TMEM181: variants seen among roughly 807,000 people sequenced by gnomAD.
The protein encoded by TMEM181 is transmembrane protein 181.
TMEM181 carries 39 observed loss-of-function variants against 71.9 expected under a neutral mutation model. The observed-to-expected ratio is 0.54, with a 90% CI of 0.42 to 0.71. TMEM181 has a LOEUF of 0.71. Among genes scored for constraint, TMEM181 ranks in the 30% least tolerant of loss-of-function variants. The pLI is 0.00. For synonymous variants in TMEM181, 245 were observed against 228.8 expected, an observed-to-expected ratio of 1.07 and a Z score of -0.64; for missense variants, 595 against 583.0, an observed-to-expected ratio of 1.02 and a Z score of -0.21.
At chr6:158,560,347 TG>T in intron 1 of TMEM181, 115 bp downstream of exon 1, 1 of 980,536 alleles carries the variant, frequency 1.0e-6, no homozygotes, top group Non-Finnish European at 1.2e-6. Context: ...CACGTGGAAC[TG>T]GGGGCAGGGA....
chr6:158,560,183 C>A lies in TMEM181; in HGVS notation c.-42C>A, dbSNP rs879602061. The A allele has an allele frequency of 9.1e-6, 9 of 984,760 alleles. No homozygotes were observed. The highest frequency in any genetic ancestry group is 1.7e-5 in the African/African-American group (1 of 57,158). 61.0% of individuals were successfully genotyped at this position (984,760 alleles called of 1,614,324 possible). On this transcript the variant is annotated 5_prime_UTR_variant, in exon 1 of 17. Transcript: ENST00000684151. ...AGGCTGCTGCGCGGCGCCTGGCGGGCTCGGGACGCGCGGGCCGGGGCCGAG... is the reference window on the plus strand; with the variant it reads ...AGGCTGCTGCGCGGCGCCTGGCGGGATCGGGACGCGCGGGCCGGGGCCGAG...
intron 2 of TMEM181, 110 bp downstream of exon 2, chr6:158,573,633 C>T: frequency 5.6e-6 from 5 of 894,364 alleles, no homozygotes; most frequent in South Asian, 1.6e-5. Context: ...AGGGCCCCAG[C>T]GTGGAGGGAG....
chr6:158,602,566 C>T (rs12665233), intron 6 of TMEM181, among the ~76,000 whole-genome samples: 7 of 151,578 alleles, frequency 4.6e-5, no homozygotes, highest in Non-Finnish European at 7.4e-5. Context: ...CTGTTCTAAT[C>T]GGTGTATAAT....
At chr6:158,629,502 TGA>T (rs1562317344) in intron 14 of TMEM181, among the ~76,000 whole-genome samples, 2 of 152,270 alleles carry the variant, frequency 1.3e-5, no homozygotes, top group Admixed American at 1.3e-4. Flanking sequence ...TCCACTGATG[TGA>T]GAGGCCATAG....
intron 10 of TMEM181, among the ~76,000 whole-genome samples, chr6:158,612,306 A>G (rs866149082): frequency 6.6e-6 from 1 of 152,224 alleles, no homozygotes; most frequent in Non-Finnish European, 1.5e-5. Context: ...CTGTCATTCC[A>G]GACCCTATAG....
At chr6:158,548,479 G>C (rs6912879) in intron 1 of TMEM181, among the ~76,000 whole-genome samples, 3,549 of 152,248 alleles carry the variant, frequency 0.023, 146 homozygotes, top group African/African-American at 0.08. Flanking sequence ...TTCAGGACAG[G>C]GACTTTCAGT....
intron 2 of TMEM181, among the ~76,000 whole-genome samples, chr6:158,579,881 A>G (rs1000321795): frequency 3.3e-5 from 5 of 152,246 alleles, no homozygotes; most frequent in Non-Finnish European, 1.5e-5. Context: ...AAAATCATCA[A>G]GACAGAAAGT....
chr6:158,593,071 A>G (rs946431977), intron 6 of TMEM181, among the ~76,000 whole-genome samples: 2 of 152,196 alleles, frequency 1.3e-5, no homozygotes, highest in African/African-American at 2.4e-5. Flanking sequence ...CTCTACTTCC[A>G]TGTTCTTTTT....
At chr6:158,573,338 G>A in intron 1 of TMEM181, 82 bp from the exon 2 acceptor site, 1 of 977,578 alleles carries the variant, frequency 1.0e-6, no homozygotes, top group Non-Finnish European at 1.6e-6. Flanking sequence ...GTCGTGTGGG[G>A]AGGGGTGTTG....
At chr6:158,588,332 C>T (rs1007042974) in intron 5 of TMEM181, among the ~76,000 whole-genome samples, 1 of 152,204 alleles carries the variant, frequency 6.6e-6, no homozygotes, top group African/African-American at 2.4e-5. Flanking sequence ...GCCTTCAGCC[C>T]CCTGCACACT....
chr6:158,554,463 A>AG (rs1781816255), intron 1 of TMEM181, among the ~76,000 whole-genome samples: 1 of 150,588 alleles, frequency 6.6e-6, no homozygotes, highest in African/African-American at 2.4e-5. Context: ...CAGGTGATCC[A>AG]CCTGCCTCAG....
At chr6:158,616,431 CAG>C (rs768350253) in intron 10 of TMEM181, among the ~76,000 whole-genome samples, 3 of 152,166 alleles carry the variant, frequency 2.0e-5, no homozygotes, top group Non-Finnish European at 4.4e-5. Context: ...CATCTGCAAA[CAG>C]GGACAATTTG....
intron 10 of TMEM181, chr6:158,611,121 T>G (rs1184844990): frequency 2.1e-5 from 11 of 519,856 alleles, no homozygotes; most frequent in African/African-American, 3.9e-5. Flanking sequence ...GGCTCCTCAG[T>G]GGGTTTCTCC....
intron 1 of TMEM181, among the ~76,000 whole-genome samples, chr6:158,565,067 G>A (rs931006964): frequency 6.6e-6 from 1 of 152,202 alleles, no homozygotes; most frequent in Non-Finnish European, 1.5e-5. Context: ...TGCGGATGCT[G>A]GTGTTGCTGG....
chr6:158,579,796 A>G (rs1209694731), intron 2 of TMEM181, among the ~76,000 whole-genome samples: 1 of 152,220 alleles, frequency 6.6e-6, no homozygotes, highest in Non-Finnish European at 1.5e-5. Context: ...TGAGGACATT[A>G]TACTAAGTAA....
At chr6:158,577,812 C>T (rs778985692) in intron 2 of TMEM181, among the ~76,000 whole-genome samples, 12 of 152,250 alleles carry the variant, frequency 7.9e-5, no homozygotes, top group Middle Eastern at 3.4e-3. Flanking sequence ...AACTGTTGGC[C>T]GGGTGCAGTG....
intron 16 of TMEM181, 50 bp downstream of exon 16, chr6:158,631,439 G>A (rs9457420): frequency 0.12 from 193,848 of 1,576,248 alleles, 13,074 homozygotes; most frequent in African/African-American, 0.17. Flanking sequence ...ATCCCGGCAC[G>A]GCCTTGCATG....
In TMEM181 at chr6:158,582,926, C is replaced by T. The variant is rs1415480948; in HGVS notation, c.169-1028C>T. On this transcript the variant is annotated intron_variant, in intron 3 of 16. Transcript: ENST00000684151. ...AGACGTCAAAGAGCAATTTGCCTGG[C>T]ATATGGATACTTCAGAAATAATTCT... is the stretch of plus-strand genomic sequence containing the variant. Among the ~76,000 whole-genome samples the T allele has an allele frequency of 3.9e-5, 6 of 152,296 alleles. No homozygotes were observed. The South Asian group carries it at 1.0e-3, about 26-fold the overall frequency.
chr6:158,541,074 C>G (rs1427396688), intron 1 of TMEM181, among the ~76,000 whole-genome samples: 1 of 152,098 alleles, frequency 6.6e-6, no homozygotes, highest in Admixed American at 6.6e-5. Flanking sequence ...TGTAATTGAC[C>G]TGGGCTGGAT....
Sources: gnomAD v4.1 joint callset for allele counts (sites outside exome capture counted in the v4.1 genomes callset) on GRCh38, gnomAD v4.1.1 for gene constraint, MANE v1.5 for transcripts, NCBI Gene and HGNC (gene_info 2026-07-23, HGNC 2026-07-21) for gene names.